ANKRD7: variants seen among roughly 807,000 people sequenced by gnomAD.
ANKRD7 encodes ankyrin repeat domain-containing protein 7.
ANKRD7 carries 30 observed loss-of-function variants against 30.8 expected under a neutral mutation model. The ratio of observed to expected loss-of-function variants is 0.97; its 90% CI spans 0.73 to 1.32. ANKRD7 has a LOEUF of 1.32. Ranked by LOEUF, ANKRD7 falls within the 40% of genes most tolerant of loss-of-function variation. The pLI is 0.00. For missense variants in ANKRD7, 264 were observed against 295.7 expected, an observed-to-expected ratio of 0.89 and a Z score of 0.79; for synonymous variants, 97 against 106.6, an observed-to-expected ratio of 0.91 and a Z score of 0.55.
chr7:118,235,569 G>C (rs1016862951), intron 3 of ANKRD7, among the ~76,000 whole-genome samples: 1 of 137,248 alleles, frequency 7.3e-6, no homozygotes, highest in Non-Finnish European at 1.5e-5. Context: ...CCAAGATTGC[G>C]CCACTGCACT....
intron 1 of ANKRD7, among the ~76,000 whole-genome samples, chr7:118,230,155 A>G (rs1206678406): frequency 1.3e-5 from 2 of 152,108 alleles, no homozygotes; most frequent in African/African-American, 4.8e-5. Context: ...CTCCTATCCA[A>G]CATAGTACTG....
rs976250309 is a variant in ANKRD7, at chr7:118,224,746, G to A, written c.-85G>A. The A allele has an allele frequency of 5.9e-6, 9 of 1,523,842 alleles. No homozygotes were observed. Among genetic ancestry groups the A allele is most frequent in the African/African-American group, 4.2e-5 (3 of 71,642 alleles). 94.4% of individuals were successfully genotyped at this position (1,523,842 alleles called of 1,614,324 possible). ...CAGGTACTGGAGAGGGCTGCCGGCC[G>A]GATGCCAGGGCAGAGGGGCAGGGCG... is the stretch of plus-strand genomic sequence containing the variant. On this transcript the variant is annotated 5_prime_UTR_variant, in exon 1 of 7. Transcript: ENST00000265224.
rs747506934 is a variant in ANKRD7, at chr7:118,236,030, A to AT, written c.469-4dup. On this transcript the variant is annotated splice_polypyrimidine_tract_variant and intron_variant, in intron 3 of 6. Coordinates refer to ENST00000265224, the MANE Select transcript of ANKRD7 (RefSeq NM_019644.4). ...TACAATATTTTAATCATTTTTAAAT[A>AT]TTTTTTTCAGGATGGGTATACTCCA... The AT allele has an allele frequency of 2.4e-5, 34 of 1,406,204 alleles. No homozygotes were observed. The highest frequency in any genetic ancestry group is 3.7e-4 in the Middle Eastern group (2 of 5,414). 87.1% of individuals were successfully genotyped at this position (1,406,204 alleles called of 1,614,324 possible).
chr7:118,229,918 A>G (rs1171598334), intron 1 of ANKRD7, among the ~76,000 whole-genome samples: 2 of 152,182 alleles, frequency 1.3e-5, no homozygotes, highest in African/African-American at 4.8e-5. Context: ...AAACAGAATT[A>G]AAAGCAAAAA....
At chr7:118,230,651 TAG>T (rs145201143) in intron 1 of ANKRD7, among the ~76,000 whole-genome samples, 220 of 147,514 alleles carry the variant, frequency 1.5e-3, no homozygotes, top group Non-Finnish European at 1.4e-3. Context: ...TGTGTGTGTG[TAG>T]AGAGAGAGAG....
At chr7:118,238,072 C>A (rs1809763152) in intron 5 of ANKRD7, among the ~76,000 whole-genome samples, 1 of 152,026 alleles carries the variant, frequency 6.6e-6, no homozygotes, top group Non-Finnish European at 1.5e-5. Flanking sequence ...ATTTAAAATA[C>A]TTATTTACAT....
intron 1 of ANKRD7, among the ~76,000 whole-genome samples, chr7:118,229,698 A>G (rs1414650394): frequency 1.3e-5 from 2 of 152,080 alleles, no homozygotes; most frequent in African/African-American, 4.8e-5. Context: ...TAGGAAAGGT[A>G]AAAGCACTGT....
At chr7:118,230,124 C>A (rs889637913) in intron 1 of ANKRD7, among the ~76,000 whole-genome samples, 1 of 151,998 alleles carries the variant, frequency 6.6e-6, no homozygotes, top group Non-Finnish European at 1.5e-5. Flanking sequence ...TGAAATAAGA[C>A]AAAGATGTCT....
Position 118,224,742 on chromosome 7 carries a change from G to T in ANKRD7, c.-89G>T. ...TCGTCAGGTACTGGAGAGGGCTGCCGGCCGGATGCCAGGGCAGAGGGGCAG... is the reference window on the plus strand; with the variant it reads ...TCGTCAGGTACTGGAGAGGGCTGCCTGCCGGATGCCAGGGCAGAGGGGCAG... On this transcript the variant is annotated 5_prime_UTR_variant, in exon 1 of 7. Coordinates refer to ENST00000265224, the MANE Select transcript of ANKRD7 (RefSeq NM_019644.4). 6.6e-7 allele frequency: 1 copy of T among 1,521,674 alleles called. No individual in the cohort carries two copies. Among genetic ancestry groups the T allele is most frequent in the South Asian group, 1.3e-5 (1 of 74,590 alleles). The allele number at this position is 1,521,674 out of a possible 1,614,324, so 94.3% of individuals were successfully genotyped here. A position where few individuals can be genotyped will look rare whatever the true frequency, so the allele number is the denominator to read the frequency against.
chr7:118,240,585 G>GT (rs1404761473), intron 6 of ANKRD7, among the ~76,000 whole-genome samples: 1 of 152,056 alleles, frequency 6.6e-6, no homozygotes, highest in Admixed American at 6.5e-5. Flanking sequence ...AAGATGTAAT[G>GT]TAAAAATATG....
At chr7:118,227,836 C>T in intron 1 of ANKRD7, 1 of 1,269,404 alleles carries the variant, frequency 7.9e-7, no homozygotes, top group South Asian at 1.4e-5. Flanking sequence ...CATCTTTCAT[C>T]ACAGGTGGGT....
intron 1 of ANKRD7, among the ~76,000 whole-genome samples, chr7:118,230,138 C>G (rs1022411161): frequency 2.0e-5 from 3 of 152,016 alleles, no homozygotes; most frequent in South Asian, 2.1e-4. Context: ...GATGTCTGCT[C>G]TCACCACTCC....
chr7:118,229,145 G>GT (rs1447694458), intron 1 of ANKRD7, among the ~76,000 whole-genome samples: 2 of 152,054 alleles, frequency 1.3e-5, no homozygotes, highest in Non-Finnish European at 2.9e-5. Context: ...TGCATTTAGG[G>GT]TTTTTGGACT....
At chr7:118,239,187 G>A (rs977287402) in intron 5 of ANKRD7, among the ~76,000 whole-genome samples, 1 of 152,182 alleles carries the variant, frequency 6.6e-6, no homozygotes, top group Non-Finnish European at 1.5e-5. Context: ...GAGGTGAGCT[G>A]CAGGCCAGCA....
At chr7:118,231,821 A>G (rs1809644495) in intron 1 of ANKRD7, among the ~76,000 whole-genome samples, 1 of 152,030 alleles carries the variant, frequency 6.6e-6, no homozygotes, top group African/African-American at 2.4e-5. Context: ...GAGAAAATAG[A>G]ACTTGAATGA....
rs922424770 is a variant in ANKRD7 at position 118,236,706 on chromosome 7, G to A, written c.576-84G>A. 9 of 1,394,540 alleles carry A rather than the reference G, an allele frequency of 6.5e-6. No homozygotes were observed. The East Asian group carries it at 6.9e-5, about 11-fold the overall frequency. The allele number at this position is 1,394,540 out of a possible 1,614,324, so 86.4% of individuals were successfully genotyped here. ...TTTCTGATAGAGGCCCTACATTTGA[G>A]TAGTAAATTGAGAAGACTGAATTTT... On this transcript the variant is annotated intron_variant, in intron 4 of 6. Transcript: ENST00000265224.
At chr7:118,234,372 C>A in intron 1 of ANKRD7, 59 bp from the exon 2 acceptor site, 1 of 1,206,210 alleles carries the variant, frequency 8.3e-7, no homozygotes, top group Non-Finnish European at 1.2e-6. Context: ...TTGGGTAAAA[C>A]AAGTAACTTC....
intron 5 of ANKRD7, among the ~76,000 whole-genome samples, chr7:118,239,251 T>C (rs73716935): frequency 0.015 from 2,214 of 152,306 alleles, 52 homozygotes; most frequent in African/African-American, 0.051. Flanking sequence ...CTTTGGGTTC[T>C]CATAGGAGCA....
intron 1 of ANKRD7, among the ~76,000 whole-genome samples, chr7:118,226,172 A>T (rs963310483): frequency 5.3e-5 from 8 of 152,244 alleles, no homozygotes; most frequent in Admixed American, 3.9e-4. Context: ...AGATAGCTTC[A>T]TACCCAGTTT....
Sources: gnomAD v4.1 joint callset for allele counts (sites outside exome capture counted in the v4.1 genomes callset) on GRCh38, gnomAD v4.1.1 for gene constraint, MANE v1.5 for transcripts, NCBI Gene and HGNC (gene_info 2026-07-23, HGNC 2026-07-21) for gene names.